Variants in AQR observed in about 807,000 individuals in gnomAD.
AQR encodes RNA helicase aquarius.
In AQR, 61 loss-of-function variants were observed where a neutral mutation model predicts 180.5. That is an observed-to-expected ratio of 0.34 (90% CI 0.28 to 0.42). The LOEUF is 0.42. Ranked by LOEUF, AQR falls within the 10% of genes least tolerant of loss-of-function variation. The pLI, the probability that AQR is intolerant of heterozygous loss-of-function variation, is 1.00. For synonymous variants in AQR, 551 were observed against 588.8 expected (o/e 0.94, Z 0.93); for missense variants, 1,281 against 1,798.3 (o/e 0.71, Z 5.20).
chr15:34,871,960 A>C (rs1892825816), intron 30 of AQR, among the ~76,000 whole-genome samples: 1 of 151,954 alleles, frequency 6.6e-6, no homozygotes, highest in Non-Finnish European at 1.5e-5. Context: ...AATATTTAAA[A>C]AAAAAAAAAA....
chr15:34,946,702 A>G (rs1238188659), intron 5 of AQR, among the ~76,000 whole-genome samples: 13 of 64,206 alleles, frequency 2.0e-4, no homozygotes, highest in East Asian at 5.4e-4. Context: ...TCCGGGAGGG[A>G]GGTGGGGGGG....
At chr15:34,940,685 A>C (rs1894010172) in intron 8 of AQR, among the ~76,000 whole-genome samples, 1 of 152,252 alleles carries the variant, frequency 6.6e-6, no homozygotes, top group Admixed American at 6.5e-5. Context: ...TTAGCAGCAC[A>C]GAAAGAAGGA....
chr15:34,941,133 G>T, intron 7 of AQR, 134 bp from the exon 8 acceptor site: 1 of 513,042 alleles, frequency 1.9e-6, no homozygotes, highest in Non-Finnish European at 3.4e-6. Context: ...AAAATAACAT[G>T]ACAAACCCTG....
At position 34,852,465 on chromosome 15, in the gene AQR, C is replaced by T. The variant is rs1016609047; in HGVS notation, c.*4327G>A. On this transcript the variant is annotated 3_prime_UTR_variant, in exon 35 of 35. Transcript: ENST00000156471. ...GGATTACAGGCGTGAGCCACTGCAC[C>T]CGGCTCGTGTTCTAAGGAAATAGCT... 6.6e-6 allele frequency: 1 copy of T among 152,072 alleles called. No individual in the cohort carries two copies. The highest frequency in any genetic ancestry group is 1.5e-5 in the Non-Finnish European group (1 of 68,048). The allele number at this position is 152,072 out of a possible 1,614,324, so 9.4% of individuals were successfully genotyped here.
chr15:34,895,887 A>T (rs1595789578), intron 22 of AQR, among the ~76,000 whole-genome samples: 1 of 152,236 alleles, frequency 6.6e-6, no homozygotes, highest in Non-Finnish European at 1.5e-5. Context: ...CCTACTCCAG[A>T]ACAACAGAAT....
At position 34,874,778 on chromosome 15, in the gene AQR, G is replaced by A. The variant is rs1274807882; in HGVS notation, c.3324C>T (p.Ala1108=). The A allele has an allele frequency of 2.5e-6, 4 of 1,613,704 alleles. No homozygotes were observed. Among genetic ancestry groups the A allele is most frequent in the East Asian group, 2.2e-5 (1 of 44,884 alleles). Reference sequence around the variant, plus strand: ...GCTCCATGTTTGAGTACTTTTGAAAGGCCATGTTCTTAATAACTGGAGGTA... The same window carrying A: ...GCTCCATGTTTGAGTACTTTTGAAAAGCCATGTTCTTAATAACTGGAGGTA... ...HQLPPVIKNM[A]FQKYSNMEQS... The change falls in exon 29 of 35, where the codon GCC becomes GCT. Residue 1108 remains alanine, a synonymous_variant. Coordinates refer to ENST00000156471, the MANE Select transcript of AQR (RefSeq NM_014691.3).
chr15:34,920,413 C>A lies in AQR; in HGVS notation c.1140G>T (p.Val380=). The change falls in exon 14 of 35, where the codon GTG becomes GTT. Residue 380 remains valine, a synonymous_variant. Transcript: ENST00000156471. ...TTGGCAACAAGCAGAGGTATGATGC[C>A]ACCTGGTGGAGTGTGTTTGAACTGC... The part of the protein sequence containing the change: ...GPLSSNTLHQ[V]ASYLCLLPTL... The A allele has an allele frequency of 6.2e-7, 1 of 1,613,234 alleles. No individual in the cohort carries two copies. Among genetic ancestry groups the A allele is most frequent in the Non-Finnish European group, 8.5e-7 (1 of 1,179,594 alleles).
At chr15:34,887,237 T>C (rs1893076000) in intron 24 of AQR, among the ~76,000 whole-genome samples, 1 of 152,092 alleles carries the variant, frequency 6.6e-6, no homozygotes, top group Admixed American at 6.5e-5. Context: ...AAATACACCA[T>C]TTAGTTCAGC....
chr15:34,938,777 G>A lies in AQR; in HGVS notation c.678C>T (p.Ile226=). ...YQERRFLSQL[I]QKFISVLKSV... is the part of the protein sequence containing the mutation. ...ATTTCAGCACAGAGATAAACTTCTG[G>A]ATGAGTTGTGAAAGAAATCTCCTCT... Residue 226 remains isoleucine, a synonymous_variant, in exon 9 of 35, where the codon ATC becomes ATT. Transcript: ENST00000156471. The A allele has an allele frequency of 6.2e-7, 1 of 1,609,400 alleles. No homozygotes were observed.
chr15:34,882,694 T>C, intron 26 of AQR, 55 bp from the exon 27 acceptor site: 1 of 1,476,520 alleles, frequency 6.8e-7, no homozygotes, highest in Non-Finnish European at 9.1e-7. Flanking sequence ...GTTTTGCACA[T>C]AACCATACAA....
chr15:34,892,780 A>C (rs371368114), intron 23 of AQR, among the ~76,000 whole-genome samples: 52 of 152,324 alleles, frequency 3.4e-4, no homozygotes, highest in Middle Eastern at 3.4e-3. Flanking sequence ...CATCTAACAC[A>C]ATGTGCCTAT....
intron 22 of AQR, among the ~76,000 whole-genome samples, chr15:34,895,203 TATATATATATATATATATGA>T (rs1295535824): frequency 2.9e-5 from 2 of 69,482 alleles, no homozygotes; most frequent in African/African-American, 1.1e-4. Flanking sequence ...TATATATATA[TATATATATATATATATATGA>T]AACAAATAAA....
At position 34,915,033 on chromosome 15, in the gene AQR, C is replaced by A; in HGVS notation, c.1484+5G>T. 6.3e-7 allele frequency: 1 copy of A among 1,595,288 alleles called. No individual in the cohort carries two copies. Among genetic ancestry groups the A allele is most frequent in the Non-Finnish European group, 8.5e-7 (1 of 1,174,534 alleles). On this transcript the variant is annotated splice_donor_5th_base_variant and intron_variant, in intron 16 of 34. Coordinates refer to ENST00000156471, the MANE Select transcript of AQR (RefSeq NM_014691.3). ...CTTCATTACAGGTGGAACCAATTTA[C>A]TAACCATGGCTTCATTCTGCTGACA...
At chr15:34,868,449 A>T (rs2140460476) in intron 31 of AQR, 1 of 152,328 alleles carries the variant, frequency 6.6e-6, no homozygotes, top group East Asian at 1.9e-4. Flanking sequence ...TTTGACAAAA[A>T]GTTTATTGCT....
At chr15:34,937,321 G>A (rs147081049) in intron 9 of AQR, among the ~76,000 whole-genome samples, 2,549 of 152,132 alleles carry the variant, frequency 0.017, 43 homozygotes, top group African/African-American at 0.042. Flanking sequence ...CACTGCGCCC[G>A]GCCAAAACAT....
intron 18 of AQR, among the ~76,000 whole-genome samples, chr15:34,905,882 C>G (rs1220816726): frequency 6.6e-6 from 1 of 151,536 alleles, no homozygotes; most frequent in Non-Finnish European, 1.5e-5. Context: ...ACTAAAAATA[C>G]AAAAATTAGC....
chr15:34,956,893 C>T (rs532715701), intron 3 of AQR, among the ~76,000 whole-genome samples: 1 of 152,212 alleles, frequency 6.6e-6, no homozygotes, highest in South Asian at 2.1e-4. Flanking sequence ...ATGCAAGGTG[C>T]TTACAGCAGA....
At chr15:34,905,994 A>G (rs1233075234) in intron 18 of AQR, among the ~76,000 whole-genome samples, 4 of 152,060 alleles carry the variant, frequency 2.6e-5, no homozygotes, top group African/African-American at 9.7e-5. Context: ...AGATCGCGCC[A>G]CTGCACTCCA....
In AQR at chr15:34,852,462, C is replaced by A. The variant is rs982930873; in HGVS notation, c.*4330G>T. The A allele has an allele frequency of 6.6e-6, 1 of 152,184 alleles. No individual in the cohort carries two copies. Among genetic ancestry groups the A allele is most frequent in the African/African-American group, 2.4e-5 (1 of 41,430 alleles). 9.4% of individuals were successfully genotyped at this position (152,184 alleles called of 1,614,324 possible). On this transcript the variant is annotated 3_prime_UTR_variant, in exon 35 of 35. Transcript: ENST00000156471. Reference sequence around the variant, plus strand: ...CTGGGATTACAGGCGTGAGCCACTGCACCCGGCTCGTGTTCTAAGGAAATA... The same window carrying A: ...CTGGGATTACAGGCGTGAGCCACTGAACCCGGCTCGTGTTCTAAGGAAATA...
Sources: allele counts gnomAD v4.1 joint callset (sites outside exome capture counted in the v4.1 genomes callset), GRCh38; gene constraint gnomAD v4.1.1; transcripts MANE v1.5; gene names NCBI Gene and HGNC (gene_info 2026-07-23, HGNC 2026-07-21).